Variants in SPATA16 observed in about 807,000 individuals in gnomAD.
SPATA16 encodes the protein spermatogenesis-associated protein 16.
In SPATA16, 36 loss-of-function variants were observed where a neutral mutation model predicts 63.3. The ratio of observed to expected loss-of-function variants is 0.57; its 90% CI spans 0.44 to 0.75. The LOEUF (loss-of-function observed/expected upper bound fraction) is 0.75, where lower values mean the gene tolerates loss of function less well. SPATA16 is among the 30% of genes least tolerant of loss of function. The pLI, the probability that SPATA16 is intolerant of heterozygous loss-of-function variation, is 0.00. For synonymous variants in SPATA16, 203 were observed against 216.7 expected, an observed-to-expected ratio of 0.94 and a Z score of 0.56; for missense variants, 646 against 679.3, an observed-to-expected ratio of 0.95 and a Z score of 0.54.
intron 2 of SPATA16, among the ~76,000 whole-genome samples, chr3:173,059,761 T>C (rs369425417): frequency 1.0e-3 from 157 of 151,640 alleles, no homozygotes; most frequent in African/African-American, 3.5e-3. Context: ...GGTTTGGACA[T>C]GTTATGCATT....
chr3:173,116,353 T>C (rs966998737), intron 2 of SPATA16, among the ~76,000 whole-genome samples: 1 of 152,210 alleles, frequency 6.6e-6, no homozygotes, highest in Non-Finnish European at 1.5e-5. Flanking sequence ...TTTTGTAAAA[T>C]AAAATACGAA....
intron 5 of SPATA16, among the ~76,000 whole-genome samples, chr3:172,975,911 T>G (rs1052716594): frequency 6.6e-6 from 1 of 151,752 alleles, no homozygotes. Flanking sequence ...GACATGGTAG[T>G]GAAAATGTGG....
intron 10 of SPATA16, among the ~76,000 whole-genome samples, chr3:172,890,739 T>C (rs1731877685): frequency 6.7e-6 from 1 of 148,606 alleles, no homozygotes; most frequent in Admixed American, 6.7e-5. Flanking sequence ...GTGACATAAA[T>C]GGTCCACTGT....
At chr3:172,926,901 C>T (rs1311006249) in intron 6 of SPATA16, among the ~76,000 whole-genome samples, 1 of 152,160 alleles carries the variant, frequency 6.6e-6, no homozygotes, top group African/African-American at 2.4e-5. Flanking sequence ...TCGTTTAACA[C>T]TGCCAGAAAG....
At chr3:172,909,819 C>T (rs540448684) in intron 10 of SPATA16, among the ~76,000 whole-genome samples, 1 of 152,112 alleles carries the variant, frequency 6.6e-6, no homozygotes, top group African/African-American at 2.4e-5. Flanking sequence ...TAGATAACAA[C>T]TGTAATGTCG....
intron 10 of SPATA16, among the ~76,000 whole-genome samples, chr3:172,900,173 T>G (rs7626296): frequency 1.3e-5 from 2 of 151,896 alleles, no homozygotes; most frequent in African/African-American, 4.8e-5. Flanking sequence ...TAATTTCTTC[T>G]TTATTCCTGA....
At chr3:173,131,599 C>T (rs1738387022) in intron 1 of SPATA16, among the ~76,000 whole-genome samples, 1 of 152,142 alleles carries the variant, frequency 6.6e-6, no homozygotes, top group South Asian at 2.1e-4. Context: ...AATTTCTGGG[C>T]ATTCATGGGG....
chr3:173,097,337 T>C (rs566166386), intron 2 of SPATA16, among the ~76,000 whole-genome samples: 1 of 152,206 alleles, frequency 6.6e-6, no homozygotes, highest in South Asian at 2.1e-4. Context: ...AGAGAAGCCA[T>C]AAAGTACTTT....
At chr3:173,020,294 G>GA (rs111446577) in intron 3 of SPATA16, among the ~76,000 whole-genome samples, 458 of 130,870 alleles carry the variant, frequency 3.5e-3, no homozygotes, top group African/African-American at 4.9e-3. Flanking sequence ...CTTCGTCTCA[G>GA]AAAAAAAAAA....
chr3:173,028,002 C>CCTCT (rs1437279673), intron 3 of SPATA16, among the ~76,000 whole-genome samples: 1 of 70,078 alleles, frequency 1.4e-5, no homozygotes, highest in Non-Finnish European at 2.7e-5. Flanking sequence ...TCCCTCCCTC[C>CCTCT]CTCCCTCCCT....
chr3:172,918,947 T>C (rs573689515), intron 8 of SPATA16, among the ~76,000 whole-genome samples: 111 of 152,322 alleles, frequency 7.3e-4, no homozygotes, highest in Non-Finnish European at 1.3e-3. Context: ...TCCAAGTCTT[T>C]GGAATGTATT....
chr3:173,072,837 G>T (rs1736705241), intron 2 of SPATA16, among the ~76,000 whole-genome samples: 1 of 152,316 alleles, frequency 6.6e-6, no homozygotes, highest in South Asian at 2.1e-4. Flanking sequence ...GTCAGGGATT[G>T]GAATGGTTTG....
chr3:173,130,831 C>A (rs550665231), intron 1 of SPATA16, among the ~76,000 whole-genome samples: 15 of 152,184 alleles, frequency 9.9e-5, no homozygotes, highest in African/African-American at 3.4e-4. Context: ...AAATAATAAT[C>A]ATTTCTTACT....
chr3:173,098,125 T>C (rs1242420997), intron 2 of SPATA16, among the ~76,000 whole-genome samples: 2 of 150,450 alleles, frequency 1.3e-5, no homozygotes, highest in Non-Finnish European at 3.0e-5. Context: ...ATTCCACCAA[T>C]CCTTCATCCC....
At chr3:172,927,727 A>G (rs983882853) in intron 6 of SPATA16, among the ~76,000 whole-genome samples, 1 of 152,170 alleles carries the variant, frequency 6.6e-6, no homozygotes, top group Non-Finnish European at 1.5e-5. Context: ...TACCACTCAA[A>G]ACTATCCTTG....
At chr3:173,101,334 A>G (rs1242126155) in intron 2 of SPATA16, among the ~76,000 whole-genome samples, 1 of 152,176 alleles carries the variant, frequency 6.6e-6, no homozygotes, top group South Asian at 2.1e-4. Flanking sequence ...ACTGTCATGT[A>G]CAGGGCAATG....
chr3:173,034,069 T>C (rs1054332326), intron 3 of SPATA16, among the ~76,000 whole-genome samples: 15 of 152,156 alleles, frequency 9.9e-5, no homozygotes, highest in African/African-American at 3.4e-4. Flanking sequence ...GTTCTACCTA[T>C]TGGAAATTAC....
At chr3:173,117,006 A>C in intron 2 of SPATA16, 114 bp downstream of exon 2, 6 of 1,048,724 alleles carry the variant, frequency 5.7e-6, no homozygotes, top group Non-Finnish European at 7.4e-6. Flanking sequence ...ATCATTACAT[A>C]TCCTCACCTC....
chr3:172,994,507 G>T (rs1438118194), intron 4 of SPATA16, among the ~76,000 whole-genome samples: 1 of 152,046 alleles, frequency 6.6e-6, no homozygotes, highest in Non-Finnish European at 1.5e-5. Flanking sequence ...CTGTGCTTGG[G>T]GGGTATTTCA....
Sources: allele counts gnomAD v4.1 joint callset (sites outside exome capture counted in the v4.1 genomes callset), GRCh38; gene constraint gnomAD v4.1.1; transcripts MANE v1.5; gene names NCBI Gene and HGNC (gene_info 2026-07-23, HGNC 2026-07-21).